The following XPNPEP1 variants were observed in gnomAD, a reference collection of about 807,000 sequenced individuals.
The protein encoded by XPNPEP1 is xaa-Pro aminopeptidase 1.
Under a neutral mutation model 92.4 loss-of-function variants are expected in XPNPEP1, and 39 were observed. The observed-to-expected ratio is 0.42, with a 90% CI of 0.33 to 0.55. XPNPEP1 has a LOEUF of 0.55. Among genes scored for constraint, XPNPEP1 ranks in the 20% least tolerant of loss-of-function variants. The pLI, the probability that XPNPEP1 is intolerant of heterozygous loss-of-function variation, is 0.08. For synonymous variants in XPNPEP1, 307 were observed against 299.4 expected (o/e 1.03, Z -0.26); for missense variants, 654 against 856.1 (o/e 0.76, Z 2.95).
chr10:109,874,729 C>T (rs1847683168), intron 15 of XPNPEP1, among the ~76,000 whole-genome samples: 1 of 152,182 alleles, frequency 6.6e-6, no homozygotes, highest in African/African-American at 2.4e-5. Context: ...ACCGGCGGAT[C>T]ACGAGGTCAG....
At chr10:109,875,885 G>GT (rs1554874376) in intron 14 of XPNPEP1, 2 of 283,144 alleles carry the variant, frequency 7.1e-6, no homozygotes, top group Non-Finnish European at 1.4e-5. Flanking sequence ...CAAAATAGGT[G>GT]TTCAAGAGAT....
chr10:109,888,691 G>T, intron 5 of XPNPEP1, 96 bp from the exon 6 acceptor site: 1 of 976,574 alleles, frequency 1.0e-6, no homozygotes, highest in Non-Finnish European at 1.4e-6. Flanking sequence ...TGATAGCAGG[G>T]TCTTTATTAA....
At chr10:109,896,242 T>C (rs1848979775) in intron 3 of XPNPEP1, among the ~76,000 whole-genome samples, 1 of 152,052 alleles carries the variant, frequency 6.6e-6, no homozygotes, top group South Asian at 2.1e-4. Context: ...TTTAAGTCTC[T>C]GTATAGCACA....
At chr10:109,921,746 G>C (rs1275070084) in intron 1 of XPNPEP1, among the ~76,000 whole-genome samples, 2 of 152,166 alleles carry the variant, frequency 1.3e-5, no homozygotes, top group Non-Finnish European at 2.9e-5. Context: ...AGCCCAAGGG[G>C]TTCAAAGCAG....
chr10:109,878,895 G>T (rs554624317), intron 12 of XPNPEP1, among the ~76,000 whole-genome samples: 1 of 150,584 alleles, frequency 6.6e-6, no homozygotes, highest in East Asian at 1.9e-4. Flanking sequence ...AAAAAAAAAA[G>T]AAAAAAAATT....
intron 1 of XPNPEP1, among the ~76,000 whole-genome samples, chr10:109,919,406 C>A (rs185378774): frequency 5.9e-5 from 9 of 152,246 alleles, no homozygotes; most frequent in Middle Eastern, 3.4e-3. Context: ...ATTAGGGAAA[C>A]ACAAATCGAA....
intron 10 of XPNPEP1, among the ~76,000 whole-genome samples, chr10:109,881,587 G>A (rs1848102044): frequency 6.6e-6 from 1 of 152,222 alleles, no homozygotes; most frequent in Non-Finnish European, 1.5e-5. Flanking sequence ...GTCACACTGT[G>A]TGTGATGATG....
At chr10:109,875,339 G>A (rs1847726244) in intron 15 of XPNPEP1, among the ~76,000 whole-genome samples, 189 bp downstream of exon 15, 1 of 152,150 alleles carries the variant, frequency 6.6e-6, no homozygotes, top group South Asian at 2.1e-4. Flanking sequence ...AGTCTTTTGT[G>A]AGAACAGAGT....
At position 109,870,900 on chromosome 10, in the gene XPNPEP1, G is replaced by A; in HGVS notation, c.1527C>T (p.His509=). 6.2e-7 allele frequency: 1 copy of A among 1,613,460 alleles called. No homozygotes were observed. The change falls in exon 18 of 21, where the codon CAC becomes CAT. Residue 509 remains histidine (H), a synonymous_variant. Transcript: ENST00000502935. ...AAVFPTGTKG[H]LLDSFARSAL... ...CTGAACGGGCAAAGGAGTCAAGAAG[G>A]TGACCTGAAAGACATAAAGAGCCAC...
intron 2 of XPNPEP1, among the ~76,000 whole-genome samples, chr10:109,911,167 T>A (rs1236076694): frequency 1.3e-5 from 2 of 152,116 alleles, no homozygotes; most frequent in African/African-American, 4.8e-5. Context: ...CCCTCAGGAG[T>A]CTCAGAAGAG....
intron 12 of XPNPEP1, among the ~76,000 whole-genome samples, chr10:109,879,508 T>C (rs34339344): frequency 0.016 from 2,428 of 151,376 alleles, 27 homozygotes; most frequent in Non-Finnish European, 0.025. Context: ...CAGCAGAGGT[T>C]GCAGTGAGCC....
chr10:109,906,891 C>T (rs1849587012), intron 3 of XPNPEP1, among the ~76,000 whole-genome samples: 1 of 152,170 alleles, frequency 6.6e-6, no homozygotes, highest in African/African-American at 2.4e-5. Flanking sequence ...AGCTCTTCAT[C>T]ATCTTCCCCT....
intron 3 of XPNPEP1, among the ~76,000 whole-genome samples, chr10:109,894,646 T>C (rs534190905): frequency 1.3e-5 from 2 of 151,256 alleles, no homozygotes; most frequent in South Asian, 2.1e-4. Context: ...AGGGCCAGCA[T>C]AGAGAACCAC....
chr10:109,889,227 G>C (rs1311710911), intron 5 of XPNPEP1, among the ~76,000 whole-genome samples: 1 of 152,252 alleles, frequency 6.6e-6, no homozygotes, highest in South Asian at 2.1e-4. Context: ...TCTGAAGACA[G>C]AGTCTCACTC....
In XPNPEP1 at chr10:109,878,753, G is replaced by A. The variant is rs115875431; in HGVS notation, c.1183-695C>T. Among the ~76,000 whole-genome samples the A allele has an allele frequency of 8.0e-3, 1,222 of 152,018 alleles. 17 individuals are homozygous for A. The highest frequency in any genetic ancestry group is 0.025 in the African/African-American group (1,048 of 41,458). Reference sequence around the variant, plus strand: ...AAAATCAGAAAAAATCAGGTGGGCTGTAGTCCCAACTAATCGGGAGGCTGA... The same window carrying A: ...AAAATCAGAAAAAATCAGGTGGGCTATAGTCCCAACTAATCGGGAGGCTGA... On this transcript the variant is annotated intron_variant, in intron 12 of 20. Transcript: ENST00000502935.
intron 5 of XPNPEP1, 144 bp downstream of exon 5, chr10:109,891,578 A>ATT: frequency 1.8e-4 from 91 of 515,076 alleles, no homozygotes; most frequent in Non-Finnish European, 2.2e-4. Context: ...TAGGCATGCC[A>ATT]TTTTTTTTTT....
At chr10:109,902,729 G>A (rs7069413) in intron 3 of XPNPEP1, among the ~76,000 whole-genome samples, 3,947 of 152,306 alleles carry the variant, frequency 0.026, 167 homozygotes, top group African/African-American at 0.09. Flanking sequence ...TCTGCAATAA[G>A]AGCAACAGCT....
In XPNPEP1 at chr10:109,867,491, A is replaced by C. The variant is rs1847204890; in HGVS notation, c.1872+1123T>G. 6.6e-6 allele frequency among the ~76,000 whole-genome samples: 1 copy of C among 152,242 alleles called. No homozygotes were observed. The highest frequency in any genetic ancestry group is 6.5e-5 in the Admixed American group (1 of 15,292). ...GCAGAGGCGCTCAAGCACAGAGGAA[A>C]GCTAAGCAGGAAGTGGATGGACTTT... On this transcript the variant is annotated intron_variant, in intron 20 of 20. Coordinates refer to ENST00000502935, the MANE Select transcript of XPNPEP1 (RefSeq NM_020383.4). The surrounding 1 kb of genome is among the most constrained non-coding windows in gnomAD (Gnocchi z 4.5).
In XPNPEP1 at chr10:109,882,490, C is replaced by G; in HGVS notation, c.983G>C (p.Arg328Thr). The change falls in exon 10 of 21, where the codon AGG (arginine) becomes ACG (threonine). Residue 328 changes from arginine to threonine, a missense_variant. Arg to Thr is a moderately conservative substitution (Grantham distance 71). Coordinates refer to ENST00000502935, the MANE Select transcript of XPNPEP1 (RefSeq NM_020383.4). ...CTTGTCACTGACCCACACCTTCTCC[C>G]TTGGGGAGAGGTCAGCACACAGGGC... Reference protein sequence around the residue: ...LKALCADLSPREKVWVSDKAS... With the variant: ...LKALCADLSPTEKVWVSDKAS... 6.2e-7 allele frequency: 1 copy of G among 1,614,204 alleles called. No homozygotes were observed. The highest frequency in any genetic ancestry group is 8.5e-7 in the Non-Finnish European group (1 of 1,180,020).
Sources: allele counts gnomAD v4.1 joint callset (sites outside exome capture counted in the v4.1 genomes callset), GRCh38; gene constraint gnomAD v4.1.1; non-coding constraint Gnocchi (gnomAD v3.1); transcripts MANE v1.5; gene names NCBI Gene and HGNC (gene_info 2026-07-23, HGNC 2026-07-21).